GPR63: variants seen among roughly 807,000 people sequenced by gnomAD.
GPR63 encodes the protein G protein-coupled receptor 63.
A neutral mutation model predicts 23.1 loss-of-function variants in GPR63; 12 were observed. The observed-to-expected ratio is 0.52, with a 90% CI of 0.33 to 0.84. GPR63 has a LOEUF of 0.84. Among genes scored for constraint, GPR63 ranks in the 40% least tolerant of loss-of-function variants. GPR63 has a pLI of 0.02. For synonymous variants in GPR63, 172 were observed against 191.1 expected, an observed-to-expected ratio of 0.90 and a Z score of 0.82; for missense variants, 472 against 515.6, an observed-to-expected ratio of 0.92 and a Z score of 0.82.
At position 96,799,547 on chromosome 6, in the gene GPR63, T is replaced by C; in HGVS notation, c.185A>G (p.Asn62Ser). 1 of 1,614,174 alleles carries C rather than the reference T, an allele frequency of 6.2e-7. No homozygotes were observed. The highest frequency in any genetic ancestry group is 8.5e-7 in the Non-Finnish European group (1 of 1,180,022). Reference sequence around the variant, plus strand: ...TGGTGTTGTGGGCACAGCTGTACTATTCACGGTCAAGGAACTCAAACCAGT... The same window carrying C: ...TGGTGTTGTGGGCACAGCTGTACTACTCACGGTCAAGGAACTCAAACCAGT... Reference protein sequence around the residue: ...APTGLSSLTVNSTAVPTTPAA... With the variant: ...APTGLSSLTVSSTAVPTTPAA... Residue 62 changes from asparagine (N) to serine (S), a missense_variant, in exon 2 of 2, where the codon AAT (asparagine) becomes AGT (serine). Coordinates refer to ENST00000229955, the MANE Select transcript of GPR63 (RefSeq NM_030784.4).
In GPR63 at chr6:96,796,594, GC is replaced by G. The variant is rs1237410238; in HGVS notation, c.*1877del. 6.6e-6 allele frequency: 1 copy of G among 152,188 alleles called. No homozygotes were observed. The highest frequency in any genetic ancestry group is 1.5e-5 in the Non-Finnish European group (1 of 68,046). The allele number at this position is 152,188 out of a possible 1,614,324, so 9.4% of individuals were successfully genotyped here. A position where few individuals can be genotyped will look rare whatever the true frequency, so the allele number is the denominator to read the frequency against. ...AAAAACAATTTGAAATGTCAGACAT[GC>G]CCTATTAAAACTTGTTCTAGGCTCA... On this transcript the variant is annotated 3_prime_UTR_variant, in exon 2 of 2. Coordinates refer to ENST00000229955, the MANE Select transcript of GPR63 (RefSeq NM_030784.4).
chr6:96,833,185 C>T (rs953609981), intron 1 of GPR63, among the ~76,000 whole-genome samples: 3 of 152,220 alleles, frequency 2.0e-5, no homozygotes, highest in South Asian at 2.1e-4. Flanking sequence ...ACTACAAAAG[C>T]CCACTTACCT....
intron 1 of GPR63, among the ~76,000 whole-genome samples, chr6:96,828,492 G>C (rs1423821764): frequency 1.3e-5 from 2 of 150,036 alleles, no homozygotes; most frequent in East Asian, 2.0e-4. Context: ...TATTAAAATT[G>C]TCTGGGTAAC....
intron 1 of GPR63, among the ~76,000 whole-genome samples, chr6:96,830,682 G>GA (rs1774558125): frequency 6.6e-6 from 1 of 152,132 alleles, no homozygotes; most frequent in Admixed American, 6.6e-5. Context: ...TTCTAAAAAT[G>GA]AAAAATGCAA....
chr6:96,825,675 T>A (rs1363908667), intron 1 of GPR63, among the ~76,000 whole-genome samples: 2 of 152,008 alleles, frequency 1.3e-5, no homozygotes, highest in Non-Finnish European at 2.9e-5. Context: ...AAACTGAAAA[T>A]GTAAAAAGAG....
intron 1 of GPR63, among the ~76,000 whole-genome samples, chr6:96,831,996 T>C (rs927051381): frequency 3.3e-5 from 5 of 151,846 alleles, no homozygotes; most frequent in African/African-American, 9.7e-5. Flanking sequence ...AAAAATTATA[T>C]CCCCAATAAA....
chr6:96,834,839 G>A (rs1280400681), intron 1 of GPR63, among the ~76,000 whole-genome samples: 1 of 152,062 alleles, frequency 6.6e-6, no homozygotes, highest in Admixed American at 6.6e-5. Flanking sequence ...AGCATTAATG[G>A]GTCCCTCTCT....
chr6:96,823,796 G>T (rs1467357569), intron 1 of GPR63, among the ~76,000 whole-genome samples: 2 of 151,950 alleles, frequency 1.3e-5, no homozygotes, highest in Non-Finnish European at 2.9e-5. Context: ...CCTACGTTTA[G>T]ATATATAAAT....
At chr6:96,809,566 T>C (rs1773988082) in intron 1 of GPR63, among the ~76,000 whole-genome samples, 1 of 152,232 alleles carries the variant, frequency 6.6e-6, no homozygotes, top group Admixed American at 6.5e-5. Flanking sequence ...TCACTAAGTA[T>C]GTTCTCTTTA....
chr6:96,808,046 C>A (rs966819434), intron 1 of GPR63, among the ~76,000 whole-genome samples: 3 of 152,176 alleles, frequency 2.0e-5, no homozygotes, highest in African/African-American at 4.8e-5. Flanking sequence ...AGAAATGCCA[C>A]TAGTACTAGA....
At chr6:96,823,802 T>C (rs989663526) in intron 1 of GPR63, among the ~76,000 whole-genome samples, 5 of 152,110 alleles carry the variant, frequency 3.3e-5, no homozygotes, top group Admixed American at 2.0e-4. Context: ...TTTAGATATA[T>C]AAATGCTTAC....
At chr6:96,822,045 C>T (rs1774327512) in intron 1 of GPR63, among the ~76,000 whole-genome samples, 1 of 151,950 alleles carries the variant, frequency 6.6e-6, no homozygotes, top group East Asian at 1.9e-4. Context: ...ACCATACACA[C>T]ACACACTTAA....
At chr6:96,827,387 G>A (rs1774470422) in intron 1 of GPR63, among the ~76,000 whole-genome samples, 1 of 151,864 alleles carries the variant, frequency 6.6e-6, no homozygotes, top group African/African-American at 2.4e-5. Context: ...GATGAACTAA[G>A]GAAGAAAAAC....
At chr6:96,824,791 C>T (rs951828118) in intron 1 of GPR63, among the ~76,000 whole-genome samples, 4 of 152,144 alleles carry the variant, frequency 2.6e-5, no homozygotes, top group South Asian at 4.1e-4. Flanking sequence ...CTGATAGTGT[C>T]GTGAGTTATT....
Position 96,805,822 on chromosome 6 carries a change from A to G in GPR63, c.-150-5941T>C, listed in dbSNP as rs373565332. ...GAGTCACCATCAAGGACTTGCAAGA[A>G]GAAGGTGATCATTTCTGCCATATCT... is the stretch of plus-strand genomic sequence containing the variant. On this transcript the variant is annotated intron_variant, in intron 1 of 1. Coordinates refer to ENST00000229955, the MANE Select transcript of GPR63 (RefSeq NM_030784.4). Among the ~76,000 whole-genome samples, 18 of 152,350 alleles carry G rather than the reference A, an allele frequency of 1.2e-4. 1 individual carries two copies. In the South Asian group the frequency reaches 2.3e-3, roughly 19 times the overall value.
intron 1 of GPR63, among the ~76,000 whole-genome samples, chr6:96,818,971 C>T (rs989172308): frequency 1.3e-5 from 2 of 152,060 alleles, no homozygotes; most frequent in African/African-American, 4.8e-5. Context: ...CACAAGATAC[C>T]ATCTCACACC....
intron 1 of GPR63, among the ~76,000 whole-genome samples, chr6:96,834,254 G>A (rs1774664390): frequency 6.6e-6 from 1 of 152,192 alleles, no homozygotes; most frequent in South Asian, 2.1e-4. Flanking sequence ...CCTAAAGCAT[G>A]TTGGGCTGCC....
chr6:96,835,300 T>C (rs1189437504), intron 1 of GPR63, among the ~76,000 whole-genome samples: 2 of 152,118 alleles, frequency 1.3e-5, no homozygotes, highest in Non-Finnish European at 1.5e-5. Context: ...CCCTAAATGG[T>C]TTTCATGTTT....
intron 1 of GPR63, among the ~76,000 whole-genome samples, chr6:96,800,538 A>AT (rs1376684016): frequency 1.3e-5 from 2 of 152,030 alleles, no homozygotes; most frequent in Non-Finnish European, 2.9e-5. Context: ...AAATTCATTC[A>AT]TTTTTAATTT....
Sources: allele counts gnomAD v4.1 joint callset (sites outside exome capture counted in the v4.1 genomes callset), GRCh38; gene constraint gnomAD v4.1.1; transcripts MANE v1.5; gene names NCBI Gene and HGNC (gene_info 2026-07-23, HGNC 2026-07-21).